Variants in RSU1 observed in about 807,000 individuals in gnomAD.
RSU1 encodes the protein rsu-1.
In RSU1, 26 loss-of-function variants were observed where a neutral mutation model predicts 31.1. That is an observed-to-expected ratio of 0.84 (90% confidence interval 0.61 to 1.16). The LOEUF (loss-of-function observed/expected upper bound fraction) is 1.16. Ranked by LOEUF, RSU1 falls within the 50% of genes most tolerant of loss-of-function variation. The probability of loss-of-function intolerance (pLI) is 0.00; values close to 1 mark genes in which losing one functional copy is unlikely to be tolerated. For missense variants in RSU1, 320 were observed against 339.1 expected (o/e 0.94, Z 0.44); for synonymous variants, 164 against 136.3 (o/e 1.20, Z -1.41).
At chr10:16,742,818 G>A (rs780637) in intron 7 of RSU1, among the ~76,000 whole-genome samples, 16,674 of 152,136 alleles carry the variant, frequency 0.11, 1,274 homozygotes, top group Non-Finnish European at 0.17. Flanking sequence ...AAACGGAAAC[G>A]CTTTATGTGT....
At chr10:16,766,163 C>G (rs1837309597) in intron 3 of RSU1, among the ~76,000 whole-genome samples, 1 of 152,216 alleles carries the variant, frequency 6.6e-6, no homozygotes, top group Admixed American at 6.5e-5. Flanking sequence ...AACTGGGGCA[C>G]ACGGGCAGGG....
chr10:16,605,569 C>G (rs1002572242), intron 8 of RSU1, among the ~76,000 whole-genome samples: 25 of 152,248 alleles, frequency 1.6e-4, no homozygotes, highest in African/African-American at 6.0e-4. Context: ...ACTGTCACCC[C>G]AAAAATATGG....
chr10:16,715,707 A>C (rs1436422824), intron 7 of RSU1, among the ~76,000 whole-genome samples: 5 of 152,188 alleles, frequency 3.3e-5, no homozygotes, highest in African/African-American at 1.2e-4. Flanking sequence ...TGACTACTGG[A>C]ACTGTAGCAA....
At chr10:16,593,517 C>A in intron 8 of RSU1, 21 bp from the exon 9 acceptor site, 1 of 1,577,764 alleles carries the variant, frequency 6.3e-7, no homozygotes, top group South Asian at 1.1e-5. Flanking sequence ...AGAGAAAGGA[C>A]ACTATCAGAT....
At chr10:16,724,729 C>T (rs1836349080) in intron 7 of RSU1, among the ~76,000 whole-genome samples, 1 of 152,214 alleles carries the variant, frequency 6.6e-6, no homozygotes, top group African/African-American at 2.4e-5. Context: ...TATTTCACTG[C>T]CAGTCCCAAA....
rs374201222 is a variant in RSU1 at position 16,764,465 on chromosome 10, T to C, written c.206A>G (p.Asn69Ser). 8.1e-6 allele frequency: 13 copies of C among 1,613,990 alleles called. No homozygotes were observed. The change falls in exon 4 of 9, where the codon AAC becomes AGC. Residue 69 changes from asparagine to serine, a missense_variant. Transcript: ENST00000345264. ...IAELKNLEVL[N>S]FFNNQIEELP... ...CTCCTCGATTTGGTTATTAAAAAAG[T>C]TGAGCACCTCCAAATTCTTCAGTTC...
At chr10:16,650,595 T>TTTTG (rs1834665558) in intron 8 of RSU1, among the ~76,000 whole-genome samples, 1 of 125,308 alleles carries the variant, frequency 8.0e-6, no homozygotes, top group East Asian at 2.2e-4. Flanking sequence ...TTTTTTTTTT[T>TTTTG]GTGAGACAGA....
chr10:16,785,073 G>C (rs552558073), intron 2 of RSU1, among the ~76,000 whole-genome samples: 1 of 152,308 alleles, frequency 6.6e-6, no homozygotes, highest in East Asian at 1.9e-4. Context: ...AGGTGTTCCT[G>C]TGAGGGTGTT....
chr10:16,752,869 A>T lies in RSU1; in HGVS notation c.483+49T>A, dbSNP rs112380302. The T allele has an allele frequency of 7.6e-4, 1,143 of 1,511,434 alleles. 11 individuals carry two copies. The African/African-American group carries it at 0.012, about 16-fold the overall frequency. 93.6% of individuals were successfully genotyped at this position (1,511,434 alleles called of 1,614,324 possible). ...AAATTGACTTGATTCTACCCCTACA[A>T]GGCTGCAGCAGTGAATTGATTTTCT... On this transcript the variant is annotated intron_variant, in intron 6 of 8. Transcript: ENST00000345264.
chr10:16,775,651 A>G (rs1300992327), intron 3 of RSU1, among the ~76,000 whole-genome samples: 3 of 152,152 alleles, frequency 2.0e-5, no homozygotes, highest in African/African-American at 7.2e-5. Flanking sequence ...CTCCCATAGC[A>G]TGATCTCAGG....
At chr10:16,791,006 C>T (rs1837901585) in intron 2 of RSU1, among the ~76,000 whole-genome samples, 1 of 152,118 alleles carries the variant, frequency 6.6e-6, no homozygotes, top group African/African-American at 2.4e-5. Flanking sequence ...CATACTAATA[C>T]AGGATATAAC....
chr10:16,752,747 T>C, intron 6 of RSU1, 94 bp from the exon 7 acceptor site: 1 of 1,078,746 alleles, frequency 9.3e-7, no homozygotes, highest in South Asian at 1.4e-5. Flanking sequence ...CTACTAAAGC[T>C]CAATCCTTTC....
chr10:16,777,476 G>A (rs879430963), intron 3 of RSU1, among the ~76,000 whole-genome samples: 2 of 152,130 alleles, frequency 1.3e-5, no homozygotes, highest in Non-Finnish European at 2.9e-5. Flanking sequence ...CCTTAAATGT[G>A]GTAAAAACTG....
chr10:16,698,415 C>A (rs959265385), intron 7 of RSU1, among the ~76,000 whole-genome samples: 1 of 152,172 alleles, frequency 6.6e-6, no homozygotes, highest in East Asian at 1.9e-4. Flanking sequence ...CAAAACCACT[C>A]TGGAACGCAC....
At chr10:16,730,036 T>C (rs796098776) in intron 7 of RSU1, among the ~76,000 whole-genome samples, 1 of 152,198 alleles carries the variant, frequency 6.6e-6, no homozygotes, top group South Asian at 2.1e-4. Flanking sequence ...CATCTGCTTC[T>C]TGTGAGGGCT....
chr10:16,667,274 G>C (rs1214094693), intron 8 of RSU1, among the ~76,000 whole-genome samples: 1 of 152,178 alleles, frequency 6.6e-6, no homozygotes, highest in Non-Finnish European at 1.5e-5. Flanking sequence ...GGGAATAAAA[G>C]TTAAGAGCAC....
chr10:16,652,875 C>T (rs933949439), intron 8 of RSU1, among the ~76,000 whole-genome samples: 1 of 151,576 alleles, frequency 6.6e-6, no homozygotes, highest in African/African-American at 2.4e-5. Context: ...GATGGGGTCT[C>T]GCTCTGTTGC....
At chr10:16,748,602 T>C (rs1234941306) in intron 7 of RSU1, among the ~76,000 whole-genome samples, 1 of 152,164 alleles carries the variant, frequency 6.6e-6, no homozygotes, top group Non-Finnish European at 1.5e-5. Flanking sequence ...GTTCGGACAA[T>C]GTCCTACCAG....
At chr10:16,792,239 CT>C (rs1186219980) in intron 2 of RSU1, among the ~76,000 whole-genome samples, 1 of 152,106 alleles carries the variant, frequency 6.6e-6, no homozygotes, top group South Asian at 2.1e-4. Flanking sequence ...GGATTCATCA[CT>C]TTTTTGTTTG....
Sources: allele counts gnomAD v4.1 joint callset (sites outside exome capture counted in the v4.1 genomes callset), GRCh38; gene constraint gnomAD v4.1.1; transcripts MANE v1.5; gene names NCBI Gene and HGNC (gene_info 2026-07-23, HGNC 2026-07-21).